CFH: variants seen among roughly 807,000 people sequenced by gnomAD.
The protein encoded by CFH is H factor 1 (complement).
Under a neutral mutation model 147.3 loss-of-function variants are expected in CFH, and 53 were observed. The observed-to-expected ratio is 0.36, with a 90% CI of 0.29 to 0.45. The LOEUF (loss-of-function observed/expected upper bound fraction) is 0.45. Among genes scored for constraint, CFH ranks in the 20% least tolerant of loss-of-function variants. CFH has a pLI of 1.00. For missense variants in CFH, 1,380 were observed against 1,498.0 expected (o/e 0.92, Z 1.30); for synonymous variants, 536 against 489.4 (o/e 1.10, Z -1.26).
In CFH at chr1:196,726,512, G is replaced by T. The variant is rs1669141067; in HGVS notation, c.1916G>T (p.Gly639Val). ...GGTCCACCTCCTGAACTCCTCAATG[G>T]GAATGTTAAGGAAAAAACGAAAGAA... ...SCGPPPELLN[G>V]NVKEKTKEEY... Residue 639 changes from glycine to valine, a missense_variant, in exon 13 of 22, where the codon GGG becomes GTG. Gly to Val is a moderately radical substitution (Grantham distance 109). Coordinates refer to ENST00000367429, the MANE Select transcript of CFH (RefSeq NM_000186.4). 4 of 1,612,542 alleles carry T rather than the reference G, an allele frequency of 2.5e-6. No homozygotes were observed. The highest frequency in any genetic ancestry group is 1.7e-5 in the Admixed American group (1 of 59,928).
chr1:196,740,361 A>C (rs1652769841), intron 17 of CFH, among the ~76,000 whole-genome samples: 1 of 152,168 alleles, frequency 6.6e-6, no homozygotes, highest in Non-Finnish European at 1.5e-5. Context: ...TTACAGAGGC[A>C]TTGTTTACCA....
rs116636932 is a variant in CFH, at chr1:196,708,223, C to T, written c.1337-5512C>T. 4.3e-3 allele frequency among the ~76,000 whole-genome samples: 662 copies of T among 152,312 alleles called. 3 individuals are homozygous for T. Among genetic ancestry groups the T allele is most frequent in the Non-Finnish European group, 7.5e-3 (513 of 68,036 alleles). ...GAAGAAACTTACCAGAATGATGGAT[C>T]TGTCAGTAACTCCCCCAAACTATTC... On this transcript the variant is annotated intron_variant, in intron 9 of 21. Transcript: ENST00000367429.
chr1:196,722,220 A>G (rs561079019), intron 11 of CFH, among the ~76,000 whole-genome samples: 9 of 152,062 alleles, frequency 5.9e-5, no homozygotes, highest in Non-Finnish European at 2.9e-5. Flanking sequence ...TCCCTGGATC[A>G]TTTCTTGTGG....
At chr1:196,698,413 A>G (rs1668350759) in intron 9 of CFH, among the ~76,000 whole-genome samples, 2 of 152,200 alleles carry the variant, frequency 1.3e-5, no homozygotes, top group African/African-American at 2.4e-5. Flanking sequence ...CCAGAGAAAT[A>G]CAAACTACCA....
At chr1:196,728,664 C>G in intron 15 of CFH, 142 bp downstream of exon 15, 1 of 781,244 alleles carries the variant, frequency 1.3e-6, no homozygotes, top group East Asian at 2.8e-5. Context: ...CTAATGAAAA[C>G]ACTGTTCCTA....
rs546797218 is a variant in CFH, at chr1:196,669,668, T to C, written c.59-3310T>C. Among the ~76,000 whole-genome samples, 3 of 152,272 alleles carry C rather than the reference T, an allele frequency of 2.0e-5. No individual in the cohort carries two copies. The East Asian group carries it at 5.8e-4, about 29-fold the overall frequency. ...AGATTCAGAAAATGTATATAAGTGC[T>C]TAGATGTCCAGGCAGAGGTGTGCTG... On this transcript the variant is annotated intron_variant, in intron 1 of 21. Coordinates refer to ENST00000367429, the MANE Select transcript of CFH (RefSeq NM_000186.4).
chr1:196,712,394 ATTCTT>A (rs1421336018), intron 9 of CFH, among the ~76,000 whole-genome samples: 1 of 150,872 alleles, frequency 6.6e-6, no homozygotes, highest in African/African-American at 2.4e-5. Context: ...TTCAGTTTTT[ATTCTT>A]TTCTTTTATA....
chr1:196,689,437 C>T lies in CFH; in HGVS notation c.982C>T (p.Pro328Ser). The T allele has an allele frequency of 6.2e-7, 1 of 1,612,674 alleles. No homozygotes were observed. The highest frequency in any genetic ancestry group is 8.5e-7 in the Non-Finnish European group (1 of 1,179,350). ...ATTGCAAGTGAAACCTTGTGATTAT[C>T]CAGACATTAAACATGGAGGTCTATA... ...PRCTLKPCDY[P>S]DIKHGGLYHE... Residue 328 changes from proline to serine, a missense_variant, in exon 8 of 22, where the codon CCA becomes TCA. Coordinates refer to ENST00000367429, the MANE Select transcript of CFH (RefSeq NM_000186.4).
At chr1:196,692,746 TTTTC>T (rs765086697) in intron 9 of CFH, among the ~76,000 whole-genome samples, 2,689 of 41,470 alleles carry the variant, frequency 0.065, 65 homozygotes, top group Non-Finnish European at 0.075. Flanking sequence ...CTTCCTTTCT[TTTTC>T]TTTCTTTCTT....
chr1:196,740,604 T>A lies in CFH; in HGVS notation c.2783-15T>A. 6.2e-7 allele frequency: 1 copy of A among 1,612,878 alleles called. No individual in the cohort carries two copies. Among genetic ancestry groups the A allele is most frequent in the Non-Finnish European group, 8.5e-7 (1 of 1,179,476 alleles). On this transcript the variant is annotated splice_polypyrimidine_tract_variant and intron_variant, in intron 17 of 21. Coordinates refer to ENST00000367429, the MANE Select transcript of CFH (RefSeq NM_000186.4). The stretch of plus-strand genomic sequence containing the variant: ...TATGAGTTAGTGAAACCTGAATTCA[T>A]TCTTTTTTTTTTAGGCCTTCCTTGT...
intron 17 of CFH, among the ~76,000 whole-genome samples, chr1:196,739,822 C>T (rs763418302): frequency 6.6e-6 from 1 of 152,142 alleles, no homozygotes; most frequent in Non-Finnish European, 1.5e-5. Flanking sequence ...CTCTGCAGTA[C>T]CAATTTACTG....
In CFH at chr1:196,715,739, A is replaced by C. The variant is rs2149103764; in HGVS notation, c.1666A>C (p.Asn556His). The C allele has an allele frequency of 2.5e-6, 4 of 1,612,746 alleles. No individual in the cohort carries two copies. The South Asian group carries it at 4.4e-5, about 18-fold the overall frequency. The change falls in exon 11 of 22, where the codon AAT becomes CAT. Residue 556 changes from asparagine (N) to histidine (H), a missense_variant. Asn to His is a moderately conservative substitution (Grantham distance 68). Transcript: ENST00000367429. ...STTGSIVCGY[N>H]GWSDLPICYE... ...CACTGGTTCCATAGTGTGTGGTTAC[A>C]ATGGTTGGTCTGATTTACCCATATG...
chr1:196,656,067 A>G (rs1412183394), intron 1 of CFH, among the ~76,000 whole-genome samples: 1 of 152,166 alleles, frequency 6.6e-6, no homozygotes, highest in Admixed American at 6.5e-5. Context: ...ACACTTTGGG[A>G]GGCCCAGGTG....
rs771112278 is a variant in CFH at position 196,679,767 on chromosome 1, G to A, written c.764G>A (p.Gly255Glu). 3.2e-5 allele frequency: 51 copies of A among 1,611,334 alleles called. No individual in the cohort carries two copies. The highest frequency in any genetic ancestry group is 2.5e-5 in the Non-Finnish European group (29 of 1,178,310). The change falls in exon 6 of 22, where the codon GGA (glycine) becomes GAA (glutamate). Residue 255 changes from glycine to glutamate, a missense_variant. Gly to Glu is a moderately conservative substitution (Grantham distance 98). This residue lies in a region of CFH where 167 missense variants were observed against 228.0 expected (regional missense o/e 0.73). Coordinates refer to ENST00000367429, the MANE Select transcript of CFH (RefSeq NM_000186.4). Reference sequence around the variant, plus strand: ...GGAGATGCTGTATGCACTGAATCTGGATGGCGTCCGTTGCCTTCATGTGAA... The same window carrying A: ...GGAGATGCTGTATGCACTGAATCTGAATGGCGTCCGTTGCCTTCATGTGAA... ...ERGDAVCTESGWRPLPSCEEK... is the reference protein window; with the variant it reads ...ERGDAVCTESEWRPLPSCEEK...
rs755595639 is a variant in CFH, at chr1:196,695,465, A to T, written c.1336+5226A>T. 5.9e-5 allele frequency among the ~76,000 whole-genome samples: 9 copies of T among 151,914 alleles called. No individual in the cohort carries two copies. In the East Asian group the frequency reaches 1.7e-3, roughly 29 times the overall value. On this transcript the variant is annotated intron_variant, in intron 9 of 21. Transcript: ENST00000367429. Reference sequence around the variant, plus strand: ...TGATGCATCAGCTTTGTGCTTTTTGATTAGGATTGTCTTGGCTAGATGGGA... The same window carrying T: ...TGATGCATCAGCTTTGTGCTTTTTGTTTAGGATTGTCTTGGCTAGATGGGA...
intron 10 of CFH, among the ~76,000 whole-genome samples, chr1:196,714,637 A>ATATATG (rs1668807880): frequency 6.8e-4 from 14 of 20,630 alleles, no homozygotes; most frequent in African/African-American, 3.9e-3. Flanking sequence ...GTATATATGT[A>ATATATG]TATATATATA....
chr1:196,739,229 G>A (rs928707903), intron 17 of CFH, among the ~76,000 whole-genome samples: 4 of 152,170 alleles, frequency 2.6e-5, no homozygotes, highest in South Asian at 2.1e-4. Flanking sequence ...GACATGCCCC[G>A]GAGATATATT....
chr1:196,721,906 C>CCT (rs1392084331), intron 11 of CFH, among the ~76,000 whole-genome samples: 1 of 151,640 alleles, frequency 6.6e-6, no homozygotes, highest in East Asian at 1.9e-4. Flanking sequence ...TATCTGTCTC[C>CCT]ATACCTTTAC....
intron 9 of CFH, chr1:196,690,469 A>C (rs1667987465): frequency 5.0e-6 from 3 of 600,216 alleles, no homozygotes; most frequent in African/African-American, 1.9e-5. Flanking sequence ...TCAAGAATAC[A>C]GTAAAAGAAT....
Sources: allele counts gnomAD v4.1 joint callset (sites outside exome capture counted in the v4.1 genomes callset), GRCh38; gene constraint gnomAD v4.1.1; regional missense constraint gnomAD v4.1.1; transcripts MANE v1.5; gene names NCBI Gene and HGNC (gene_info 2026-07-23, HGNC 2026-07-21).